Variants in ZFP14 observed in about 807,000 individuals in gnomAD.
ZFP14 encodes the protein zinc finger protein 14 homolog.
Under a neutral mutation model 54.5 loss-of-function variants are expected in ZFP14, and 22 were observed. That is an observed-to-expected ratio of 0.40 (90% CI 0.29 to 0.58). The LOEUF is 0.58. Ranked by LOEUF, ZFP14 falls within the 20% of genes least tolerant of loss-of-function variation. The pLI, the probability that ZFP14 is intolerant of heterozygous loss-of-function variation, is 0.39. For missense variants in ZFP14, 470 were observed against 637.8 expected, an observed-to-expected ratio of 0.74 and a Z score of 2.83; for synonymous variants, 159 against 204.0, an observed-to-expected ratio of 0.78 and a Z score of 1.88.
rs562789223 is a variant in ZFP14 at position 36,353,798 on chromosome 19, G to C, written c.235+6637C>G. Among the ~76,000 whole-genome samples the C allele has an allele frequency of 3.7e-4, 52 of 141,336 alleles. 6 individuals carry two copies. The highest frequency in any genetic ancestry group is 5.8e-4 in the Non-Finnish European group (37 of 64,038). 92.7% of individuals were successfully genotyped at this position (141,336 alleles called of 152,430 possible). A position where few individuals can be genotyped will look rare whatever the true frequency, so the allele number is the denominator to read the frequency against. Reference sequence around the variant, plus strand: ...ATAAAAAAAAGTCAGATGCAGCTGAGTGCAGTGGCTCACACCTGTAATCCC... The same window carrying C: ...ATAAAAAAAAGTCAGATGCAGCTGACTGCAGTGGCTCACACCTGTAATCCC... On this transcript the variant is annotated intron_variant, in intron 4 of 4. Coordinates refer to ENST00000270001, the MANE Select transcript of ZFP14 (RefSeq NM_020917.3).
chr19:36,357,228 A>G (rs1390872345), intron 4 of ZFP14, among the ~76,000 whole-genome samples: 1 of 152,148 alleles, frequency 6.6e-6, no homozygotes, highest in African/African-American at 2.4e-5. Flanking sequence ...TTTTCAGTAG[A>G]GATCAGGTTT....
chr19:36,348,977 C>T (rs1036092739), intron 4 of ZFP14, among the ~76,000 whole-genome samples: 5 of 151,892 alleles, frequency 3.3e-5, no homozygotes, highest in African/African-American at 1.2e-4. Flanking sequence ...CCTGTAATCC[C>T]AGCACTTTGG....
chr19:36,341,357 T>C lies in ZFP14; in HGVS notation c.469A>G (p.Asn157Asp). The change falls in exon 5 of 5, where the codon AAT (asparagine) becomes GAT (aspartate). Residue 157 changes from asparagine (N) to aspartate (D), a missense_variant. By Grantham distance (23) the Asn-to-Asp change is conservative (BLOSUM62 1). Transcript: ENST00000270001. This position sits in a 1 kb window ranked among gnomAD's most constrained non-coding sequence, Gnocchi z 4.2. ...SEKMTTYKRH[N>D]FLTEYQIVHN... is the part of the protein sequence containing the mutation. The stretch of plus-strand genomic sequence containing the variant: ...ACGATCTGATACTCAGTAAGAAAAT[T>C]GTGCCTTTTGTAAGTGGTCATTTTT... The C allele has an allele frequency of 6.2e-7, 1 of 1,614,174 alleles. No individual in the cohort carries two copies. The highest frequency in any genetic ancestry group is 1.1e-5 in the South Asian group (1 of 91,064).
rs1321810076 is a variant in ZFP14 at position 36,341,760 on chromosome 19, T to C, written c.236-170A>G. Among the ~76,000 whole-genome samples, 1 of 152,204 alleles carries C rather than the reference T, an allele frequency of 6.6e-6. No homozygotes were observed. The highest frequency in any genetic ancestry group is 1.5e-5 in the Non-Finnish European group (1 of 68,036). ...TAGACATTTCTGCCACAATCTTATA[T>C]ATGTGTACCTAAAAAACCTTATCTT... is the stretch of plus-strand genomic sequence containing the variant. On this transcript the variant is annotated intron_variant, in intron 4 of 4. Coordinates refer to ENST00000270001, the MANE Select transcript of ZFP14 (RefSeq NM_020917.3). The surrounding 1 kb of genome is among the most constrained non-coding windows in gnomAD (Gnocchi z 4.2).
chr19:36,351,214 C>T lies in ZFP14; in HGVS notation c.235+9221G>A, dbSNP rs898649161. Among the ~76,000 whole-genome samples, 3 of 143,964 alleles carry T rather than the reference C, an allele frequency of 2.1e-5. 1 individual carries two copies. Among genetic ancestry groups the T allele is most frequent in the Non-Finnish European group, 4.6e-5 (3 of 64,630 alleles). The allele number at this position is 143,964 out of a possible 152,430, so 94.4% of individuals were successfully genotyped here. On this transcript the variant is annotated intron_variant, in intron 4 of 4. Coordinates refer to ENST00000270001, the MANE Select transcript of ZFP14 (RefSeq NM_020917.3). Reference sequence around the variant, plus strand: ...AATGTGGAATTAAGATACATGACAACAGAGCTGGGTACAGTGGCTCAGGCC... The same window carrying T: ...AATGTGGAATTAAGATACATGACAATAGAGCTGGGTACAGTGGCTCAGGCC...
chr19:36,340,400 C>T lies in ZFP14; in HGVS notation c.1426G>A (p.Gly476Ser). The stretch of plus-strand genomic sequence containing the variant: ...TCCTTACATTCATAAGGTTTCTCAC[C>T]AGTGTGAATACTCTGATGTTGGGTA... ...QLTQHQSIHT[G>S]EKPYECKECG... Residue 476 changes from glycine (G) to serine (S), a missense_variant, in exon 5 of 5, where the codon GGT becomes AGT. Transcript: ENST00000270001. The surrounding 1 kb of genome is among the most constrained non-coding windows in gnomAD (Gnocchi z 5.4). 1 of 1,614,082 alleles carries T rather than the reference C, an allele frequency of 6.2e-7. No homozygotes were observed.
intron 3 of ZFP14, 24 bp from the exon 4 acceptor site, chr19:36,360,557 T>C (rs758339786): frequency 1.9e-5 from 31 of 1,596,230 alleles, no homozygotes; most frequent in Non-Finnish European, 2.6e-5. Flanking sequence ...AAATGTGACA[T>C]GGAATTATAC....
chr19:36,368,556 C>T (rs140448499), intron 1 of ZFP14, among the ~76,000 whole-genome samples: 218 of 152,288 alleles, frequency 1.4e-3, no homozygotes, highest in African/African-American at 5.1e-3. Flanking sequence ...ACCAGGTCGC[C>T]CTCTAGCAAT....
In ZFP14 at chr19:36,336,797, C is replaced by G. The variant is rs528358884; in HGVS notation, c.*3427G>C. Reference sequence around the variant, plus strand: ...GGCATCTCACTGTCATTCATTTCTACATAGTCTATAATTTTGGTTTTGATT... The same window carrying G: ...GGCATCTCACTGTCATTCATTTCTAGATAGTCTATAATTTTGGTTTTGATT... On this transcript the variant is annotated 3_prime_UTR_variant, in exon 5 of 5. Transcript: ENST00000270001. 6.9e-6 allele frequency: 1 copy of G among 145,812 alleles called. No individual in the cohort carries two copies. The highest frequency in any genetic ancestry group is 2.5e-5 in the African/African-American group (1 of 39,994). 9.0% of individuals were successfully genotyped at this position (145,812 alleles called of 1,614,324 possible).
At chr19:36,358,035 G>A (rs2031645466) in intron 4 of ZFP14, among the ~76,000 whole-genome samples, 2 of 149,910 alleles carry the variant, frequency 1.3e-5, no homozygotes, top group African/African-American at 4.9e-5. Flanking sequence ...GAGCCACCAT[G>A]CCCGGCTCTG....
intron 4 of ZFP14, among the ~76,000 whole-genome samples, chr19:36,355,959 C>T (rs2031606190): frequency 7.0e-6 from 1 of 142,100 alleles, no homozygotes; most frequent in Non-Finnish European, 1.6e-5. Context: ...AAAGAGTAGC[C>T]CCTCTCTTTG....
intron 1 of ZFP14, among the ~76,000 whole-genome samples, chr19:36,368,258 CG>C (rs1265372838): frequency 2.0e-5 from 3 of 152,106 alleles, no homozygotes; most frequent in Non-Finnish European, 2.9e-5. Context: ...CACCTGAGGT[CG>C]GGAGTTCGAG....
At chr19:36,373,133 C>G (rs565784250) in intron 1 of ZFP14, among the ~76,000 whole-genome samples, 1 of 151,970 alleles carries the variant, frequency 6.6e-6, no homozygotes, top group South Asian at 2.1e-4. Flanking sequence ...CAAAATTAGC[C>G]GGGCATGGTA....
intron 2 of ZFP14, among the ~76,000 whole-genome samples, chr19:36,366,690 C>A (rs2145559683): frequency 6.6e-6 from 1 of 152,188 alleles, no homozygotes; most frequent in South Asian, 2.1e-4. Flanking sequence ...TTACCCTGGG[C>A]AGTAGGTGGG....
intron 1 of ZFP14, among the ~76,000 whole-genome samples, chr19:36,377,320 T>G (rs1029841316): frequency 2.0e-5 from 3 of 152,028 alleles, no homozygotes; most frequent in Non-Finnish European, 4.4e-5. Context: ...GAGGCTGAGG[T>G]GGAAGAATTC....
In ZFP14 at chr19:36,353,558, G is replaced by C. The variant is rs1476838906; in HGVS notation, c.235+6877C>G. Among the ~76,000 whole-genome samples the C allele has an allele frequency of 2.8e-5, 4 of 140,540 alleles. 1 individual carries two copies. The highest frequency in any genetic ancestry group is 6.3e-5 in the Non-Finnish European group (4 of 63,634). The allele number at this position is 140,540 out of a possible 152,430, so 92.2% of individuals were successfully genotyped here. Reference sequence around the variant, plus strand: ...TACTAAAAATACAAAAATTAGCTGAGCGTGGTAGCGTGTGCCTGTAATCCC... The same window carrying C: ...TACTAAAAATACAAAAATTAGCTGACCGTGGTAGCGTGTGCCTGTAATCCC... On this transcript the variant is annotated intron_variant, in intron 4 of 4. Transcript: ENST00000270001.
intron 1 of ZFP14, among the ~76,000 whole-genome samples, chr19:36,376,798 A>G (rs1471893855): frequency 6.6e-6 from 1 of 152,186 alleles, no homozygotes; most frequent in East Asian, 1.9e-4. Context: ...GCCATCCTAT[A>G]TAGCAGGGTC....
chr19:36,340,708 C>T lies in ZFP14; in HGVS notation c.1118G>A (p.Cys373Tyr). 1 of 1,613,976 alleles carries T rather than the reference C, an allele frequency of 6.2e-7. No individual in the cohort carries two copies. ...TGEKPYECKE[C>Y]GKTFRLRQQL... ...TTGTCTTAATCTAAAAGTCTTCCCA[C>T]ATTCCTTACATTCGTAGGGTTTCTC... Residue 373 changes from cysteine (C) to tyrosine (Y), a missense_variant, in exon 5 of 5, where the codon TGT (cysteine) becomes TAT (tyrosine). Cys to Tyr is a radical substitution (Grantham distance 194). Coordinates refer to ENST00000270001, the MANE Select transcript of ZFP14 (RefSeq NM_020917.3). The surrounding 1 kb of genome is among the most constrained non-coding windows in gnomAD (Gnocchi z 5.4).
chr19:36,369,643 T>G (rs2031850628), intron 1 of ZFP14, among the ~76,000 whole-genome samples: 1 of 151,990 alleles, frequency 6.6e-6, no homozygotes, highest in South Asian at 2.1e-4. Flanking sequence ...ACTCCTGACC[T>G]CAATTGATCC....
Sources: gnomAD v4.1 joint callset for allele counts (sites outside exome capture counted in the v4.1 genomes callset) on GRCh38, gnomAD v4.1.1 for gene constraint, Gnocchi (gnomAD v3.1) non-coding constraint, MANE v1.5 for transcripts, NCBI Gene and HGNC (gene_info 2026-07-23, HGNC 2026-07-21) for gene names.